FREM3: variants seen among roughly 807,000 people sequenced by gnomAD.
The protein encoded by FREM3 is FRAS1-related extracellular matrix protein 3.
Under a neutral mutation model 129.1 loss-of-function variants are expected in FREM3, and 105 were observed. That is an observed-to-expected ratio of 0.81 (90% CI 0.69 to 0.96). The LOEUF (loss-of-function observed/expected upper bound fraction) is 0.96. FREM3 is among the 40% of genes least tolerant of loss of function. The pLI, the probability that FREM3 is intolerant of heterozygous loss-of-function variation, is 0.00. For synonymous variants in FREM3, 1,014 were observed against 1,044.9 expected, an observed-to-expected ratio of 0.97 and a Z score of 0.57; for missense variants, 2,593 against 2,666.3, an observed-to-expected ratio of 0.97 and a Z score of 0.61.
At position 143,699,929 on chromosome 4, in the gene FREM3, C is replaced by T. The variant is rs1490081363; in HGVS notation, c.747G>A (p.Gly249=). The change falls in exon 1 of 8, where the codon GGG becomes GGA. Residue 249 remains glycine, a synonymous_variant. Transcript: ENST00000329798. The surrounding 1 kb of genome is among the most constrained non-coding windows in gnomAD (Gnocchi z 4.2). ...AGGTGGCTGTGTGCTGATAGCGCAC[C>T]CCAGCACGGAGGAAAGCCTCACAGT... ...GVDCEAFLRA[G]VRYQHTATSS... The T allele has an allele frequency of 5.9e-6, 9 of 1,534,404 alleles. No homozygotes were observed.
At chr4:143,661,824 G>C (rs1053810191) in intron 2 of FREM3, among the ~76,000 whole-genome samples, 6 of 152,186 alleles carry the variant, frequency 3.9e-5, no homozygotes, top group Non-Finnish European at 5.9e-5. Flanking sequence ...TTGGGAGGGT[G>C]TATGTGTGAA....
intron 2 of FREM3, among the ~76,000 whole-genome samples, chr4:143,658,347 T>C (rs1739636978): frequency 6.6e-6 from 1 of 152,182 alleles, no homozygotes; most frequent in Admixed American, 6.5e-5. Context: ...AATTTGGAAT[T>C]TGTGAACCAC....
intron 2 of FREM3, among the ~76,000 whole-genome samples, chr4:143,651,665 C>A (rs752525624): frequency 6.6e-6 from 1 of 152,090 alleles, no homozygotes; most frequent in African/African-American, 2.4e-5. Context: ...TGAGTTAATG[C>A]GACCCTCAAA....
At chr4:143,625,055 T>C (rs1051599916) in intron 3 of FREM3, among the ~76,000 whole-genome samples, 1 of 151,942 alleles carries the variant, frequency 6.6e-6, no homozygotes, top group Non-Finnish European at 1.5e-5. Flanking sequence ...TAGTAATTAG[T>C]AACTTACTGA....
At chr4:143,687,342 G>C (rs575312561) in intron 2 of FREM3, among the ~76,000 whole-genome samples, 1 of 149,372 alleles carries the variant, frequency 6.7e-6, no homozygotes, top group Admixed American at 6.6e-5. Flanking sequence ...CAGTGAGATT[G>C]AAATGGTTAA....
At chr4:143,593,141 T>G (rs1467241222) in intron 6 of FREM3, among the ~76,000 whole-genome samples, 1 of 152,144 alleles carries the variant, frequency 6.6e-6, no homozygotes, top group African/African-American at 2.4e-5. Flanking sequence ...ATTTATCTAA[T>G]TTTTTTCAAA....
chr4:143,610,225 C>T (rs1040216970), intron 6 of FREM3, among the ~76,000 whole-genome samples: 13 of 151,980 alleles, frequency 8.6e-5, no homozygotes, highest in African/African-American at 3.1e-4. Flanking sequence ...GAGATCTGGT[C>T]CACAGGGTGA....
intron 6 of FREM3, among the ~76,000 whole-genome samples, chr4:143,589,169 A>T (rs1158625174): frequency 6.6e-6 from 1 of 151,846 alleles, no homozygotes; most frequent in Non-Finnish European, 1.5e-5. Flanking sequence ...GGTTGCAAAA[A>T]TTTTCGCCCA....
At chr4:143,673,453 G>A (rs954707476) in intron 2 of FREM3, among the ~76,000 whole-genome samples, 2 of 152,238 alleles carry the variant, frequency 1.3e-5, no homozygotes, top group African/African-American at 4.8e-5. Context: ...TCCTCTGGAA[G>A]TTTCGTCTCA....
At chr4:143,664,822 C>A (rs1242836776) in intron 2 of FREM3, among the ~76,000 whole-genome samples, 2 of 152,152 alleles carry the variant, frequency 1.3e-5, no homozygotes, top group Non-Finnish European at 2.9e-5. Context: ...CTCGCTGCCG[C>A]CTTGCTGTTT....
At chr4:143,591,231 C>CT (rs1389171679) in intron 6 of FREM3, among the ~76,000 whole-genome samples, 1 of 152,154 alleles carries the variant, frequency 6.6e-6, no homozygotes, top group Non-Finnish European at 1.5e-5. Context: ...TTTTGTGTCT[C>CT]TATCTCCTTC....
intron 2 of FREM3, among the ~76,000 whole-genome samples, chr4:143,628,584 C>T (rs182932857): frequency 2.2e-4 from 34 of 152,258 alleles, no homozygotes; most frequent in Middle Eastern, 3.4e-3. Context: ...TTACCAAATA[C>T]AGCTTTACTA....
chr4:143,659,186 GCA>G (rs1163586891), intron 2 of FREM3, among the ~76,000 whole-genome samples: 3 of 151,520 alleles, frequency 2.0e-5, no homozygotes, highest in African/African-American at 7.3e-5. Context: ...CTGGTGTGCT[GCA>G]CCCATTAACT....
chr4:143,635,110 A>G (rs1334359448), intron 2 of FREM3, among the ~76,000 whole-genome samples: 2 of 152,166 alleles, frequency 1.3e-5, no homozygotes, highest in African/African-American at 4.8e-5. Context: ...AGCTGACACT[A>G]TGTACTTCAA....
chr4:143,651,640 G>A (rs904146262), intron 2 of FREM3, among the ~76,000 whole-genome samples: 3 of 152,256 alleles, frequency 2.0e-5, no homozygotes, highest in African/African-American at 7.2e-5. Flanking sequence ...GCTATAAGTC[G>A]GTTTCTTTTA....
intron 2 of FREM3, among the ~76,000 whole-genome samples, chr4:143,681,394 A>T (rs1282704926): frequency 1.3e-5 from 2 of 152,142 alleles, no homozygotes; most frequent in African/African-American, 4.8e-5. Flanking sequence ...TTTTCAATAT[A>T]AATCTATGAT....
chr4:143,677,575 G>A (rs372645445), intron 2 of FREM3, among the ~76,000 whole-genome samples: 1 of 152,206 alleles, frequency 6.6e-6, no homozygotes, highest in African/African-American at 2.4e-5. Context: ...CTTCTGGACA[G>A]CAAAAGAAAC....
At position 143,611,991 on chromosome 4, in the gene FREM3, G is replaced by A. The variant is rs189614328; in HGVS notation, c.5780-464C>T. ...TCACACACCCCAACTAGAGTTCTTT[G>A]TATGACACCATAATATAGCCAGAAA... On this transcript the variant is annotated intron_variant, in intron 5 of 7. Transcript: ENST00000329798. 8.6e-4 allele frequency among the ~76,000 whole-genome samples: 131 copies of A among 152,266 alleles called. 1 individual carries two copies. The highest frequency in any genetic ancestry group is 3.0e-3 in the African/African-American group (125 of 41,538).
At chr4:143,595,891 A>AAAAAAAAAAAG (rs1738472457) in intron 6 of FREM3, among the ~76,000 whole-genome samples, 2 of 145,480 alleles carry the variant, frequency 1.4e-5, no homozygotes, top group South Asian at 2.1e-4. Flanking sequence ...CCATCTCAGA[A>AAAAAAAAAAAG]AAAAAAAAAA....
Sources: allele counts gnomAD v4.1 joint callset (sites outside exome capture counted in the v4.1 genomes callset), GRCh38; gene constraint gnomAD v4.1.1; non-coding constraint Gnocchi (gnomAD v3.1); transcripts MANE v1.5; gene names NCBI Gene and HGNC (gene_info 2026-07-23, HGNC 2026-07-21).